Variants in FREM2 observed in about 807,000 individuals in gnomAD.
FREM2 encodes FRAS1-related extracellular matrix protein 2.
Under a neutral mutation model 219.9 loss-of-function variants are expected in FREM2, and 119 were observed. The ratio of observed to expected loss-of-function variants is 0.54; its 90% CI spans 0.47 to 0.63. The LOEUF (loss-of-function observed/expected upper bound fraction) is 0.63. Ranked by LOEUF, FREM2 falls within the 30% of genes least tolerant of loss-of-function variation. FREM2 has a pLI of 0.00. For missense variants in FREM2, 4,030 were observed against 3,993.6 expected, an observed-to-expected ratio of 1.01 and a Z score of -0.25; for synonymous variants, 1,562 against 1,522.8, an observed-to-expected ratio of 1.03 and a Z score of -0.60.
At chr13:38,819,182 C>T (rs890376036) in intron 6 of FREM2, among the ~76,000 whole-genome samples, 5 of 152,106 alleles carry the variant, frequency 3.3e-5, no homozygotes, top group Non-Finnish European at 7.4e-5. Flanking sequence ...TCCAAAGGCC[C>T]TGGCTGCTAT....
In FREM2 at chr13:38,861,525, C is replaced by T; in HGVS notation, c.7614C>T (p.Asn2538=). ...GCCCTGAGGATGCAGACTACACAAA[C>T]CTTATCAAGCTCACTGTCACAATGC... is the stretch of plus-strand genomic sequence containing the variant. ...YTGPEDADYT[N]LIKLTVTMPH... is the part of the protein sequence containing the mutation. Residue 2538 remains asparagine (N), a synonymous_variant, in exon 15 of 24, where the codon AAC becomes AAT. Transcript: ENST00000280481. 1.2e-6 allele frequency: 2 copies of T among 1,608,702 alleles called. No homozygotes were observed. The highest frequency in any genetic ancestry group is 1.3e-5 in the African/African-American group (1 of 74,894).
At position 38,877,249 on chromosome 13, in the gene FREM2, A is replaced by G. The variant is rs1189508735; in HGVS notation, c.8671+6A>G. 2 of 1,613,940 alleles carry G rather than the reference A, an allele frequency of 1.2e-6. No individual in the cohort carries two copies. The highest frequency in any genetic ancestry group is 1.7e-6 in the Non-Finnish European group (2 of 1,179,810). On this transcript the variant is annotated splice_donor_region_variant and intron_variant, in intron 21 of 23. Coordinates refer to ENST00000280481, the MANE Select transcript of FREM2 (RefSeq NM_207361.6). ...TGATGTTGCTTTTGCAGAAGGTATC[A>G]CTTTACAAATGAGAGGGATGCTCTG...
chr13:38,692,636 T>C, intron 1 of FREM2, 119 bp downstream of exon 1: 2 of 1,221,140 alleles, frequency 1.6e-6, no homozygotes, highest in South Asian at 1.2e-5. Flanking sequence ...ACAAAGGGGA[T>C]GGGGAGAATA....
At chr13:38,783,384 T>C (rs1874197860) in intron 5 of FREM2, among the ~76,000 whole-genome samples, 189 bp downstream of exon 5, 1 of 151,844 alleles carries the variant, frequency 6.6e-6, no homozygotes, top group Non-Finnish European at 1.5e-5. Context: ...CTGATTTCAC[T>C]TGGTCACTTA....
chr13:38,793,555 G>A (rs770142848), intron 6 of FREM2, among the ~76,000 whole-genome samples: 3 of 152,170 alleles, frequency 2.0e-5, no homozygotes, highest in Admixed American at 6.5e-5. Flanking sequence ...ATCTTATAGG[G>A]CCCTGTGGCC....
chr13:38,878,915 A>C lies in FREM2; in HGVS notation c.8944A>C (p.Ile2982Leu). 6.2e-7 allele frequency: 1 copy of C among 1,614,158 alleles called. No homozygotes were observed. The highest frequency in any genetic ancestry group is 8.5e-7 in the Non-Finnish European group (1 of 1,179,976). Residue 2982 changes from isoleucine to leucine, a missense_variant, in exon 23 of 24, where the codon ATT becomes CTT. Physicochemically the swap from Ile to Leu is conservative, Grantham distance 5. This residue lies in a region of FREM2 where 928 missense variants were observed against 1,042.9 expected (regional missense o/e 0.89). Transcript: ENST00000280481. The stretch of plus-strand genomic sequence containing the variant: ...ACTAGCAGTGGATGACCCTGAAGCC[A>C]TTCTCTTAGTGAATCAGCCTGGATC... ...AKLAVDDPEA[I>L]LLVNQPGSDG...
chr13:38,781,725 A>C (rs1171459174), intron 4 of FREM2, among the ~76,000 whole-genome samples: 2 of 152,218 alleles, frequency 1.3e-5, no homozygotes, highest in Admixed American at 1.3e-4. Context: ...TAATTTAAAA[A>C]GAATTGAATC....
chr13:38,861,758 G>A (rs773209211), intron 15 of FREM2, among the ~76,000 whole-genome samples, 196 bp downstream of exon 15: 5 of 152,062 alleles, frequency 3.3e-5, no homozygotes, highest in Admixed American at 6.6e-5. Context: ...GTAAGCATTC[G>A]TTAAAATTAG....
At chr13:38,782,997 T>C in intron 4 of FREM2, 73 bp from the exon 5 acceptor site, 1 of 1,541,182 alleles carries the variant, frequency 6.5e-7, no homozygotes, top group East Asian at 2.3e-5. Context: ...AGAGAAATTT[T>C]AATTCTGTAT....
Position 38,846,669 on chromosome 13 carries a change from A to G in FREM2, c.6116A>G (p.Lys2039Arg). ...QVWRTGTDLS[K>R]SSSVTVRSRK... ...TGGAGAACGGGCACTGACCTGTCCA[A>G]GTCTTCTAGTGTCACAGTGAGGTCT... The change falls in exon 7 of 24, where the codon AAG (lysine) becomes AGG (arginine). Residue 2039 changes from lysine to arginine, a missense_variant. Lys to Arg is a conservative substitution (Grantham distance 26). Coordinates refer to ENST00000280481, the MANE Select transcript of FREM2 (RefSeq NM_207361.6). 1.2e-6 allele frequency: 2 copies of G among 1,613,862 alleles called. No individual in the cohort carries two copies. Among genetic ancestry groups the G allele is most frequent in the Non-Finnish European group, 8.5e-7 (1 of 1,179,832 alleles).
intron 6 of FREM2, among the ~76,000 whole-genome samples, chr13:38,815,768 T>C (rs983520294): frequency 8.5e-4 from 130 of 152,288 alleles, no homozygotes; most frequent in Non-Finnish European, 1.6e-3. Flanking sequence ...CAAGATCCCA[T>C]AGTGAGAGAT....
intron 6 of FREM2, among the ~76,000 whole-genome samples, chr13:38,809,565 A>G (rs568346660): frequency 1.3e-5 from 2 of 152,216 alleles, no homozygotes; most frequent in South Asian, 4.1e-4. Context: ...TTTTCCCAGA[A>G]CAATTTATTG....
Position 38,886,077 on chromosome 13 carries a change from A to T in FREM2, c.*5290A>T, listed in dbSNP as rs1878715674. The T allele has an allele frequency of 6.6e-6, 1 of 152,150 alleles. No homozygotes were observed. The highest frequency in any genetic ancestry group is 2.4e-5 in the African/African-American group (1 of 41,436). 9.4% of individuals were successfully genotyped at this position (152,150 alleles called of 1,614,324 possible). On this transcript the variant is annotated 3_prime_UTR_variant, in exon 24 of 24. Transcript: ENST00000280481. Reference sequence around the variant, plus strand: ...GATCTTTATTTTCCCCAATGTTTGGATCATCCTCTCAGATAAGAATTGTCA... The same window carrying T: ...GATCTTTATTTTCCCCAATGTTTGGTTCATCCTCTCAGATAAGAATTGTCA...
At chr13:38,873,168 TA>T (rs1878224942) in intron 17 of FREM2, among the ~76,000 whole-genome samples, 2 of 152,214 alleles carry the variant, frequency 1.3e-5, no homozygotes, top group South Asian at 4.1e-4. Context: ...ATTTCATGGA[TA>T]TTTTATCCTT....
At position 38,687,142 on chromosome 13, in the gene FREM2, A is replaced by AGGCTTCGGCTCCTCGGCTGC. The variant is rs1172959191; in HGVS notation, c.-198_-179dup. 4 of 652,748 alleles carry AGGCTTCGGCTCCTCGGCTGC rather than the reference A, an allele frequency of 6.1e-6. No homozygotes were observed. The highest frequency in any genetic ancestry group is 1.0e-5 in the Non-Finnish European group (4 of 382,094). The allele number at this position is 652,748 out of a possible 1,614,324, so 40.4% of individuals were successfully genotyped here. ...AGCGGCGGAGCTGGACGGCCTGGGA[A>AGGCTTCGGCTCCTCGGCTGC]GGCTTCGGCTCCTCGGCTGCGGCTC... On this transcript the variant is annotated 5_prime_UTR_variant, in exon 1 of 24. Coordinates refer to ENST00000280481, the MANE Select transcript of FREM2 (RefSeq NM_207361.6).
At chr13:38,754,858 A>AGATGATGAT (rs1157940850) in intron 2 of FREM2, among the ~76,000 whole-genome samples, 14 of 141,282 alleles carry the variant, frequency 9.9e-5, no homozygotes, top group African/African-American at 3.5e-4. Context: ...TGGTTGGTCA[A>AGATGATGAT]GATGATGATG....
rs771851384 is a variant in FREM2 at position 38,769,616 on chromosome 13, G to T, written c.5449G>T (p.Asp1817Tyr). 6.2e-7 allele frequency: 1 copy of T among 1,614,150 alleles called. No individual in the cohort carries two copies. The highest frequency in any genetic ancestry group is 8.5e-7 in the Non-Finnish European group (1 of 1,179,988). The stretch of plus-strand genomic sequence containing the variant: ...AGACAGAACTGCAGAAAAAGACAAA[G>T]ACTTCAAGGGCAAAGCACAGAAACA... ...TRDRTAEKDK[D>Y]FKGKAQKQVQ... Residue 1817 changes from aspartate to tyrosine, a missense_variant, in exon 4 of 24, where the codon GAC becomes TAC. Coordinates refer to ENST00000280481, the MANE Select transcript of FREM2 (RefSeq NM_207361.6).
chr13:38,687,378 C>A lies in FREM2; in HGVS notation c.34C>A (p.Arg12Ser). ...AGCCGGGACTCCCGGGTTATCCTCG[C>A]GCCGGACAGGCAACTCCACCAGCTT... The part of the protein sequence containing the change: ...HSAGTPGLSS[R>S]RTGNSTSFQP... Residue 12 changes from arginine to serine, a missense_variant, in exon 1 of 24, where the codon CGC becomes AGC. This residue lies in a region of FREM2 where 3,102 missense variants were observed against 2,950.7 expected (regional missense o/e 1.05). Transcript: ENST00000280481. 6.2e-7 allele frequency: 1 copy of A among 1,608,648 alleles called. No homozygotes were observed. Among genetic ancestry groups the A allele is most frequent in the Admixed American group, 1.7e-5 (1 of 59,598 alleles).
intron 6 of FREM2, among the ~76,000 whole-genome samples, chr13:38,791,315 G>A (rs993684940): frequency 2.6e-5 from 4 of 152,152 alleles, no homozygotes; most frequent in Non-Finnish European, 4.4e-5. Context: ...CAGTTTCCAC[G>A]TGTGAATTTG....
Sources: gnomAD v4.1 joint callset for allele counts (sites outside exome capture counted in the v4.1 genomes callset) on GRCh38, gnomAD v4.1.1 for gene constraint, gnomAD v4.1.1 regional missense constraint, MANE v1.5 for transcripts, NCBI Gene and HGNC (gene_info 2026-07-23, HGNC 2026-07-21) for gene names.